Variants in RAET1E observed in about 807,000 individuals in gnomAD.
RAET1E encodes NKG2D ligand 4.
A neutral mutation model predicts 21.1 loss-of-function variants in RAET1E; 27 were observed. The observed-to-expected ratio is 1.28, with a 90% CI of 0.94 to 1.76. The LOEUF is 1.76. RAET1E is among the 40% of genes most tolerant of loss of function. The pLI, the probability that RAET1E is intolerant of heterozygous loss-of-function variation, is 0.00. For synonymous variants in RAET1E, 113 were observed against 115.0 expected, an observed-to-expected ratio of 0.98 and a Z score of 0.11; for missense variants, 310 against 311.3, an observed-to-expected ratio of 1.00 and a Z score of 0.03.
At chr6:149,896,078 G>T (rs541175520) in intron 1 of RAET1E, 46 bp from the exon 2 acceptor site, 1 of 152,338 alleles carries the variant, frequency 6.6e-6, no homozygotes, top group East Asian at 1.9e-4. Context: ...ATATGAATTT[G>T]GAAGGCAGGC....
chr6:149,888,444 G>T lies in RAET1E; in HGVS notation c.*54C>A. 1 of 1,589,576 alleles carries T rather than the reference G, an allele frequency of 6.3e-7. No individual in the cohort carries two copies. The highest frequency in any genetic ancestry group is 8.6e-7 in the Non-Finnish European group (1 of 1,166,178). On this transcript the variant is annotated 3_prime_UTR_variant, in exon 6 of 6. Transcript: ENST00000357183. ...ATTTCTGTGGAGAGAGATGGATCAG[G>T]GAGCGGGGGCTTGGATGAGACCCAT...
intron 5 of RAET1E, 87 bp from the exon 6 acceptor site, chr6:149,888,754 CT>C: frequency 6.7e-7 from 1 of 1,483,870 alleles, no homozygotes; most frequent in Non-Finnish European, 8.9e-7. Flanking sequence ...TTAGCCCCTG[CT>C]TTCCCCAGGA....
At chr6:149,890,263 A>G (rs1439262107) in intron 3 of RAET1E, 118 bp from the exon 4 acceptor site, 1 of 1,049,338 alleles carries the variant, frequency 9.5e-7, no homozygotes, top group African/African-American at 1.6e-5. Flanking sequence ...GGGCAGCTCC[A>G]TCCCAGACTC....
chr6:149,883,375 T>G lies in RAET1E; in HGVS notation c.*5123A>C, dbSNP rs1186441673. 1 of 151,436 alleles carries G rather than the reference T, an allele frequency of 6.6e-6. No individual in the cohort carries two copies. Among genetic ancestry groups the G allele is most frequent in the African/African-American group, 2.4e-5 (1 of 41,118 alleles). 9.4% of individuals were successfully genotyped at this position (151,436 alleles called of 1,614,324 possible). On this transcript the variant is annotated 3_prime_UTR_variant, in exon 6 of 6. Transcript: ENST00000357183. ...ACACACACAATTTTTTTTTTTTTTT[T>G]GCATTCAGTGTTAAAGTGTTTATCA...
In RAET1E at chr6:149,888,685, A is replaced by AAAG. The variant is rs763876581; in HGVS notation, c.623-19_623-18insCTT. On this transcript the variant is annotated intron_variant, in intron 5 of 5. Transcript: ENST00000357183. Reference sequence around the variant, plus strand: ...TGGTGACACTAAAAAAAAAAAAAAAAAGAAAAAAAAGCACAAGCCCTGTCA... The same window carrying AAAG: ...TGGTGACACTAAAAAAAAAAAAAAAAAAGAGAAAAAAAAGCACAAGCCCTGTCA... The AAAG allele has an allele frequency of 1.7e-5, 27 of 1,551,714 alleles. No individual in the cohort carries two copies. The East Asian group carries it at 6.3e-4, about 36-fold the overall frequency.
At position 149,888,319 on chromosome 6, in the gene RAET1E, C is replaced by T. The variant is rs995009151; in HGVS notation, c.*179G>A. 5 of 803,516 alleles carry T rather than the reference C, an allele frequency of 6.2e-6. No homozygotes were observed. Among genetic ancestry groups the T allele is most frequent in the Middle Eastern group, 2.6e-4 (1 of 3,790 alleles). 49.8% of individuals were successfully genotyped at this position (803,516 alleles called of 1,614,324 possible). A position where few individuals can be genotyped will look rare whatever the true frequency, so the allele number is the denominator to read the frequency against. On this transcript the variant is annotated 3_prime_UTR_variant, in exon 6 of 6. Coordinates refer to ENST00000357183, the MANE Select transcript of RAET1E (RefSeq NM_001394057.1). ...GCGTTCCAGATCTTTGACCTTGCCC[C>T]TCCTCGAGAGGAGATGATTGCTTCA...
rs1449020381 is a variant in RAET1E, at chr6:149,889,300, T to G, written c.622+48A>C. 2.5e-6 allele frequency: 4 copies of G among 1,605,380 alleles called. No individual in the cohort carries two copies. In the Admixed American group the frequency reaches 6.7e-5, roughly 27 times the overall value. On this transcript the variant is annotated intron_variant, in intron 5 of 5. Transcript: ENST00000357183. Reference sequence around the variant, plus strand: ...CACTGACACCCACACAGGGAAGGCTTTTGACCTTTAAAGGGAGCTGCCACA... The same window carrying G: ...CACTGACACCCACACAGGGAAGGCTGTTGACCTTTAAAGGGAGCTGCCACA...
chr6:149,893,165 G>T (rs1037782972), intron 2 of RAET1E, among the ~76,000 whole-genome samples: 2 of 152,186 alleles, frequency 1.3e-5, no homozygotes, highest in Non-Finnish European at 2.9e-5. Context: ...TCTTGCCCAG[G>T]ATTGTCTTGG....
chr6:149,893,474 G>T (rs7767592), intron 2 of RAET1E, among the ~76,000 whole-genome samples: 62,331 of 151,674 alleles, frequency 0.41, 13,613 homozygotes, highest in East Asian at 0.88. Flanking sequence ...TTGTGAATGG[G>T]ACTTCACTCA....
Position 149,889,495 on chromosome 6 carries a change from C to T in RAET1E, c.475G>A (p.Val159Ile), listed in dbSNP as rs751399641. 4.3e-6 allele frequency: 7 copies of T among 1,614,210 alleles called. No homozygotes were observed. The South Asian group carries it at 7.7e-5, about 18-fold the overall frequency. Residue 159 changes from valine (V) to isoleucine (I), a missense_variant, in exon 5 of 6, where the codon GTA becomes ATA. Transcript: ENST00000357183. Reference protein sequence around the residue: ...LFDAMNMTWTVINHEASKIKE... With the variant: ...LFDAMNMTWTIINHEASKIKE... ...ATCTTACTGGCTTCATGATTAATTA[C>T]TGTCCAGGTCATGTTCATTGCGTCA... is the stretch of plus-strand genomic sequence containing the variant.
rs557085674 is a variant in RAET1E, at chr6:149,890,035, T to G, written c.196A>C (p.Ser66Arg). 4 of 1,614,168 alleles carry G rather than the reference T, an allele frequency of 2.5e-6. No homozygotes were observed. The Admixed American group carries it at 6.7e-5, about 27-fold the overall frequency. ...LNKNLFLQYN[S>R]DNNMVKPLGL... Reference sequence around the variant, plus strand: ...AGAGGTTTGACCATGTTGTTGTCACTGTTGTACTGAAGGAAAAGATTTTTA... The same window carrying G: ...AGAGGTTTGACCATGTTGTTGTCACGGTTGTACTGAAGGAAAAGATTTTTA... Residue 66 changes from serine to arginine, a missense_variant, in exon 4 of 6, where the codon AGT (serine) becomes CGT (arginine). Ser to Arg is a moderately radical substitution (Grantham distance 110). Coordinates refer to ENST00000357183, the MANE Select transcript of RAET1E (RefSeq NM_001394057.1).
In RAET1E at chr6:149,888,446, A is replaced by C; in HGVS notation, c.*52T>G. The C allele has an allele frequency of 1.3e-6, 2 of 1,592,486 alleles. No homozygotes were observed. The highest frequency in any genetic ancestry group is 2.2e-5 in the South Asian group (2 of 88,918). On this transcript the variant is annotated 3_prime_UTR_variant, in exon 6 of 6. Transcript: ENST00000357183. ...TTCTGTGGAGAGAGATGGATCAGGGAGCGGGGGCTTGGATGAGACCCATGA... is the reference window on the plus strand; with the variant it reads ...TTCTGTGGAGAGAGATGGATCAGGGCGCGGGGGCTTGGATGAGACCCATGA...
chr6:149,893,865 G>A (rs1487130948), intron 2 of RAET1E, among the ~76,000 whole-genome samples: 6 of 152,044 alleles, frequency 3.9e-5, no homozygotes, highest in Admixed American at 2.0e-4. Context: ...CATTATTTTC[G>A]GATATGTTCC....
At chr6:149,890,231 C>G in intron 3 of RAET1E, 86 bp from the exon 4 acceptor site, 2 of 1,472,070 alleles carry the variant, frequency 1.4e-6, no homozygotes, top group Non-Finnish European at 1.9e-6. Context: ...ACTCCCTGGA[C>G]TGGGCCAGGC....
Position 149,885,817 on chromosome 6 carries a change from A to G in RAET1E, c.*2681T>C, listed in dbSNP as rs576876037. On this transcript the variant is annotated 3_prime_UTR_variant, in exon 6 of 6. Transcript: ENST00000357183. ...AAGTCCTCACATGTCCTGAGCGTCT[A>G]CTATATAGCAGCCATGATAGATTCT... 7 of 152,348 alleles carry G rather than the reference A, an allele frequency of 4.6e-5. No individual in the cohort carries two copies. The highest frequency in any genetic ancestry group is 3.3e-4 in the Admixed American group (5 of 15,304). The allele number at this position is 152,348 out of a possible 1,614,324, so 9.4% of individuals were successfully genotyped here.
At chr6:149,897,813 G>A (rs1156494139) in intron 1 of RAET1E, among the ~76,000 whole-genome samples, 1 of 152,120 alleles carries the variant, frequency 6.6e-6, no homozygotes, top group African/African-American at 2.4e-5. Context: ...TGTGGAGGCA[G>A]AGGACCCGCA....
intron 5 of RAET1E, 64 bp downstream of exon 5, chr6:149,889,284 C>A: frequency 6.3e-7 from 1 of 1,588,140 alleles, no homozygotes; most frequent in Admixed American, 1.7e-5. Flanking sequence ...ACACTGACAC[C>A]CACACAGGGA....
At chr6:149,891,590 G>A (rs7757017) in intron 2 of RAET1E, among the ~76,000 whole-genome samples, 1,928 of 152,000 alleles carry the variant, frequency 0.013, 36 homozygotes, top group African/African-American at 0.044. Context: ...GCTAATTAAC[G>A]AAACTGAAAT....
chr6:149,887,514 C>T lies in RAET1E; in HGVS notation c.*984G>A, dbSNP rs575679957. Among the ~76,000 whole-genome samples, 1 of 152,174 alleles carries T rather than the reference C, an allele frequency of 6.6e-6. No homozygotes were observed. Among genetic ancestry groups the T allele is most frequent in the South Asian group, 2.1e-4 (1 of 4,834 alleles). On this transcript the variant is annotated 3_prime_UTR_variant, in exon 6 of 6. Transcript: ENST00000357183. Reference sequence around the variant, plus strand: ...AAGCCTGTTGTGACACCGATCTTGGCAAACTCACTTTTCATGTCAGGGCCC... The same window carrying T: ...AAGCCTGTTGTGACACCGATCTTGGTAAACTCACTTTTCATGTCAGGGCCC...
Sources: allele counts gnomAD v4.1 joint callset (sites outside exome capture counted in the v4.1 genomes callset), GRCh38; gene constraint gnomAD v4.1.1; transcripts MANE v1.5; gene names NCBI Gene and HGNC (gene_info 2026-07-23, HGNC 2026-07-21).